Variants in DLST observed in about 807,000 individuals in gnomAD.
The protein encoded by DLST is dihydrolipoyllysine-residue succinyltransferase component of 2-oxoglutarate dehydrogenase complex, mitochondrial.
Under a neutral mutation model 53.1 loss-of-function variants are expected in DLST, and 17 were observed. That is an observed-to-expected ratio of 0.32 (90% confidence interval 0.22 to 0.48). DLST has a LOEUF of 0.48. DLST is among the 20% of genes least tolerant of loss of function. The pLI, the probability that DLST is intolerant of heterozygous loss-of-function variation, is 0.99. For missense variants in DLST, 512 were observed against 583.9 expected, an observed-to-expected ratio of 0.88 and a Z score of 1.27; for synonymous variants, 206 against 204.8, an observed-to-expected ratio of 1.01 and a Z score of -0.05.
chr14:74,901,212 G>A lies in DLST; in HGVS notation c.1206G>A (p.Arg402=). 1 of 1,614,186 alleles carries A rather than the reference G, an allele frequency of 6.2e-7. No homozygotes were observed. Among genetic ancestry groups the A allele is most frequent in the African/African-American group, 1.3e-5 (1 of 75,058 alleles). The change falls in exon 14 of 15, where the codon AGG becomes AGA. Residue 402 remains arginine (R), a synonymous_variant. Coordinates refer to ENST00000334220, the MANE Select transcript of DLST (RefSeq NM_001933.5). ...AILGMHGIFD[R]PVAIGGKVEV... ...TGGGGATGCATGGCATCTTTGACAG[G>A]CCAGTGGCTATAGGAGGCAAGGTAG...
At chr14:74,891,906 TA>T (rs1883921369) in intron 7 of DLST, 11 of 971,812 alleles carry the variant, frequency 1.1e-5, no homozygotes, top group Non-Finnish European at 1.3e-5. Context: ...GGCTGGGAAA[TA>T]AGGTAGTCCT....
chr14:74,899,544 C>T (rs535409064), intron 11 of DLST, among the ~76,000 whole-genome samples: 72 of 152,202 alleles, frequency 4.7e-4, no homozygotes, highest in Non-Finnish European at 2.9e-5. Context: ...TATCCCTTTT[C>T]CTTTGCTAAT....
intron 3 of DLST, 133 bp downstream of exon 3, chr14:74,885,767 A>G: frequency 2.6e-6 from 2 of 784,170 alleles, no homozygotes; most frequent in Non-Finnish European, 4.1e-6. Flanking sequence ...TTGAGTCCCT[A>G]GACTAACCTC....
intron 13 of DLST, 41 bp from the exon 14 acceptor site, chr14:74,901,025 C>T (rs758186345): frequency 6.2e-7 from 1 of 1,601,812 alleles, no homozygotes; most frequent in Admixed American, 1.7e-5. Flanking sequence ...GTGAAGGAAA[C>T]TGGGTTGGCT....
At chr14:74,889,691 A>G in intron 5 of DLST, 1 of 575,460 alleles carries the variant, frequency 1.7e-6, no homozygotes, top group Non-Finnish European at 3.0e-6. Context: ...GGCTCCTCTC[A>G]CTTCTTAAGT....
Position 74,901,056 on chromosome 14 carries a change from CTG to C in DLST, c.1060-8_1060-7del. 7 of 1,612,818 alleles carry C rather than the reference CTG, an allele frequency of 4.3e-6. No homozygotes were observed. Among genetic ancestry groups the C allele is most frequent in the Non-Finnish European group, 5.9e-6 (7 of 1,179,440 alleles). ...TGGCTTGATATTTCAATTATGAAAT[CTG>C]TTTTTAGGCCCGAAAGAATGAACTT... On this transcript the variant is annotated splice_polypyrimidine_tract_variant and splice_region_variant and intron_variant, in intron 13 of 14. Coordinates refer to ENST00000334220, the MANE Select transcript of DLST (RefSeq NM_001933.5).
rs927970781 is a variant in DLST at position 74,895,872 on chromosome 14, G to A, written c.770+1463G>A. ...TATCGCGCCACTGCACTCCAGCCTG[G>A]GCAACAGAGCGAGATTGTGTCTCAA... is the stretch of plus-strand genomic sequence containing the variant. On this transcript the variant is annotated intron_variant, in intron 10 of 14. Transcript: ENST00000334220. Among the ~76,000 whole-genome samples, 7 of 152,230 alleles carry A rather than the reference G, an allele frequency of 4.6e-5. No homozygotes were observed. The South Asian group carries it at 6.2e-4, about 14-fold the overall frequency.
At chr14:74,893,686 G>T (rs1373627839) in intron 9 of DLST, among the ~76,000 whole-genome samples, 1 of 152,150 alleles carries the variant, frequency 6.6e-6, no homozygotes. Context: ...TTAAATATTT[G>T]TAGGGGTGGT....
At position 74,902,556 on chromosome 14, in the gene DLST, C is replaced by T; in HGVS notation, c.*226C>T. ...CTCATAGCCTCGAATATCTTAATTC[C>T]TTAGGCTTAAGAGAGAGAGCCTTAA... On this transcript the variant is annotated 3_prime_UTR_variant, in exon 15 of 15. Transcript: ENST00000334220. The T allele has an allele frequency of 2.3e-6, 1 of 430,466 alleles. No individual in the cohort carries two copies. The highest frequency in any genetic ancestry group is 4.1e-6 in the Non-Finnish European group (1 of 243,246). 26.7% of individuals were successfully genotyped at this position (430,466 alleles called of 1,614,324 possible).
At chr14:74,896,813 G>C (rs1309483872) in intron 10 of DLST, among the ~76,000 whole-genome samples, 2 of 152,236 alleles carry the variant, frequency 1.3e-5, no homozygotes. Flanking sequence ...GGCCCTGAAA[G>C]ATGCAGTTGG....
At chr14:74,883,647 C>T (rs1053481108) in intron 2 of DLST, among the ~76,000 whole-genome samples, 4 of 152,152 alleles carry the variant, frequency 2.6e-5, no homozygotes, top group African/African-American at 9.7e-5. Context: ...TGAGTGCTTT[C>T]TGTGAATTTT....
At position 74,889,792 on chromosome 14, in the gene DLST, C is replaced by T. The variant is rs1883838691; in HGVS notation, c.275-105C>T. 3 of 1,041,922 alleles carry T rather than the reference C, an allele frequency of 2.9e-6. No homozygotes were observed. In the South Asian group the frequency reaches 4.1e-5, roughly 14 times the overall value. The allele number at this position is 1,041,922 out of a possible 1,614,324, so 64.5% of individuals were successfully genotyped here. A position where few individuals can be genotyped will look rare whatever the true frequency, so the allele number is the denominator to read the frequency against. ...TCTTTACATATGTACTTTCTGCTGGCCCTGTAGGAAAGGGTTCTTATAACA... is the reference window on the plus strand; with the variant it reads ...TCTTTACATATGTACTTTCTGCTGGTCCTGTAGGAAAGGGTTCTTATAACA... On this transcript the variant is annotated intron_variant, in intron 5 of 14. Coordinates refer to ENST00000334220, the MANE Select transcript of DLST (RefSeq NM_001933.5).
chr14:74,885,955 GA>G, intron 3 of DLST: 1 of 244,860 alleles, frequency 4.1e-6, no homozygotes, highest in Non-Finnish European at 7.9e-6. Flanking sequence ...AAGTGCAGCT[GA>G]AAGGCTCGAG....
chr14:74,893,826 C>G (rs1192150787), intron 9 of DLST, among the ~76,000 whole-genome samples: 1 of 152,206 alleles, frequency 6.6e-6, no homozygotes, highest in Admixed American at 6.5e-5. Context: ...CAATAGCTGT[C>G]AGGTGCAGAC....
intron 11 of DLST, among the ~76,000 whole-genome samples, chr14:74,899,259 G>A (rs561918297): frequency 1.3e-5 from 2 of 151,842 alleles, no homozygotes; most frequent in African/African-American, 4.8e-5. Flanking sequence ...CCTTCTGCTT[G>A]CCCACACATG....
chr14:74,883,566 A>T (rs1046995932), intron 2 of DLST, among the ~76,000 whole-genome samples: 3 of 152,042 alleles, frequency 2.0e-5, no homozygotes, highest in Non-Finnish European at 4.4e-5. Context: ...TTTTTCTGTT[A>T]TATGCCTAGC....
At position 74,889,365 on chromosome 14, in the gene DLST, CTATT is replaced by C; in HGVS notation, c.274+18_274+21del. 5.6e-6 allele frequency: 8 copies of C among 1,425,962 alleles called. No individual in the cohort carries two copies. The highest frequency in any genetic ancestry group is 7.6e-6 in the Non-Finnish European group (8 of 1,056,926). 88.3% of individuals were successfully genotyped at this position (1,425,962 alleles called of 1,614,324 possible). ...TGGGAGAAAGGTAAGATTTAGTTTC[CTATT>C]TTTTTTTTTTTTTTTTTTGAGACAG... On this transcript the variant is annotated intron_variant, in intron 5 of 14. Coordinates refer to ENST00000334220, the MANE Select transcript of DLST (RefSeq NM_001933.5).
chr14:74,884,172 G>A (rs1042078525), intron 2 of DLST, among the ~76,000 whole-genome samples: 7 of 152,214 alleles, frequency 4.6e-5, no homozygotes, highest in Non-Finnish European at 8.8e-5. Context: ...AGACAGGAAA[G>A]GACTTGACCA....
At position 74,902,416 on chromosome 14, in the gene DLST, T is replaced by TGG; in HGVS notation, c.*87_*88dup. 1 of 1,470,890 alleles carries TGG rather than the reference T, an allele frequency of 6.8e-7. No homozygotes were observed. Among genetic ancestry groups the TGG allele is most frequent in the Non-Finnish European group, 9.1e-7 (1 of 1,095,896 alleles). 91.1% of individuals were successfully genotyped at this position (1,470,890 alleles called of 1,614,324 possible). On this transcript the variant is annotated 3_prime_UTR_variant, in exon 15 of 15. Transcript: ENST00000334220. ...TCCCCTCATGGGTCCCGGGTTAGCC[T>TGG]GGTGACAGGCAGACACATGCTGTTG...
Sources: allele counts gnomAD v4.1 joint callset (sites outside exome capture counted in the v4.1 genomes callset), GRCh38; gene constraint gnomAD v4.1.1; transcripts MANE v1.5; gene names NCBI Gene and HGNC (gene_info 2026-07-23, HGNC 2026-07-21).